TDRKH: variants seen among roughly 807,000 people sequenced by gnomAD.
TDRKH encodes tudor and KH domain-containing protein.
A neutral mutation model predicts 61.3 loss-of-function variants in TDRKH; 28 were observed. The ratio of observed to expected loss-of-function variants is 0.46; its 90% CI spans 0.34 to 0.63. TDRKH has a LOEUF of 0.63. Among genes scored for constraint, TDRKH ranks in the 20% least tolerant of loss-of-function variants. The pLI, the probability that TDRKH is intolerant of heterozygous loss-of-function variation, is 0.01. For missense variants in TDRKH, 540 were observed against 683.4 expected (o/e 0.79, Z 2.34); for synonymous variants, 219 against 244.4 (o/e 0.90, Z 0.97).
chr1:151,781,529 C>G lies in TDRKH; in HGVS notation c.183G>C (p.Gln61His). The change falls in exon 3 of 13, where the codon CAG becomes CAC. Residue 61 changes from glutamine (Q) to histidine (H), a missense_variant. Around this residue, in one of 3 missense-constraint regions of TDRKH, gnomAD observed 156 missense variants for 218.0 expected, o/e 0.72. Transcript: ENST00000368824. ...DDIEIEMRVPQEAVKLIIGRQ... is the reference protein window; with the variant it reads ...DDIEIEMRVPHEAVKLIIGRQ... Reference sequence around the variant, plus strand: ...GGCCAATGATGAGTTTCACAGCCTCCTGGGGAACCCGCATCTCTATCTCAA... The same window carrying G: ...GGCCAATGATGAGTTTCACAGCCTCGTGGGGAACCCGCATCTCTATCTCAA... 1 of 1,613,544 alleles carries G rather than the reference C, an allele frequency of 6.2e-7. No individual in the cohort carries two copies.
intron 6 of TDRKH, among the ~76,000 whole-genome samples, chr1:151,777,363 T>C (rs1254544473): frequency 6.6e-6 from 1 of 151,956 alleles, no homozygotes; most frequent in African/African-American, 2.4e-5. Flanking sequence ...TGAGAATCAC[T>C]CGAACCTGGG....
At chr1:151,789,837 A>G (rs1225153575) in intron 1 of TDRKH, among the ~76,000 whole-genome samples, 5 of 151,258 alleles carry the variant, frequency 3.3e-5, no homozygotes, top group Admixed American at 1.3e-4. Flanking sequence ...ATTCACGAGA[A>G]AAAAAAAAGT....
downstream of TDRKH, chr1:151,767,969 A>G (rs1648423343): frequency 2.0e-6 from 3 of 1,530,766 alleles, no homozygotes; most frequent in Non-Finnish European, 2.7e-6. Context: ...GGCTCTCCCC[A>G]TCAATGCCCA....
At chr1:151,767,372 G>A, downstream of TDRKH, 1 of 1,557,118 alleles carries the variant, frequency 6.4e-7, no homozygotes, top group South Asian at 1.2e-5. Context: ...AGGGACATTA[G>A]CAAGTTGGAA....
At chr1:151,783,261 C>T in intron 1 of TDRKH, 1 of 268,788 alleles carries the variant, frequency 3.7e-6, no homozygotes, top group African/African-American at 2.2e-5. Context: ...TAAATAGAAG[C>T]ATACTTCACT....
At chr1:151,780,356 G>A (rs1171798349) in intron 3 of TDRKH, among the ~76,000 whole-genome samples, 1 of 152,118 alleles carries the variant, frequency 6.6e-6, no homozygotes, top group Non-Finnish European at 1.5e-5. Context: ...AGTAACAAAT[G>A]TAACCCCAAA....
chr1:151,769,214 G>GCTC (rs1467282921), downstream of TDRKH: 1 of 153,522 alleles, frequency 6.5e-6, no homozygotes, highest in Non-Finnish European at 1.4e-5. Context: ...GGGCAGAGGG[G>GCTC]CTCACTTCCC....
intron 6 of TDRKH, 57 bp from the exon 7 acceptor site, chr1:151,776,656 G>C (rs1015980767): frequency 1.9e-6 from 3 of 1,589,912 alleles, no homozygotes; most frequent in Non-Finnish European, 2.6e-6. Flanking sequence ...TTGGAATGAA[G>C]AGACTAACCA....
At chr1:151,787,808 C>CAAAAAAAAA (rs71093211) in intron 1 of TDRKH, among the ~76,000 whole-genome samples, 6 of 50,570 alleles carry the variant, frequency 1.2e-4, no homozygotes, top group African/African-American at 4.4e-4. Context: ...TCTGTTTCTA[C>CAAAAAAAAA]AAAAAAAAAA....
chr1:151,789,464 C>T (rs1027484889), intron 1 of TDRKH, among the ~76,000 whole-genome samples: 3 of 152,140 alleles, frequency 2.0e-5, no homozygotes, highest in African/African-American at 7.2e-5. Context: ...GAGGAAAATA[C>T]TAGAACTTAA....
chr1:151,771,205 A>G, downstream of TDRKH: 1 of 1,613,520 alleles, frequency 6.2e-7, no homozygotes, highest in Non-Finnish European at 8.5e-7. Context: ...CCACCTGCCC[A>G]GTGAGCCTCC....
At chr1:151,776,375 A>C in intron 7 of TDRKH, 64 bp downstream of exon 7, 6 of 1,601,782 alleles carry the variant, frequency 3.7e-6, no homozygotes, top group Non-Finnish European at 5.1e-6. Context: ...GGAAAGGAAG[A>C]GTACAATGAA....
At chr1:151,766,857 C>A, downstream of TDRKH, 1 of 1,612,620 alleles carries the variant, frequency 6.2e-7, no homozygotes, top group Non-Finnish European at 8.5e-7. Context: ...GATCACTCTC[C>A]GGGAGAAGAT....
intron 1 of TDRKH, among the ~76,000 whole-genome samples, chr1:151,783,395 A>G (rs1224344799): frequency 6.6e-6 from 1 of 152,248 alleles, no homozygotes; most frequent in Admixed American, 6.5e-5. Context: ...TTATGCCTCC[A>G]GGGCTTTCCA....
chr1:151,789,762 A>G (rs77364965), intron 1 of TDRKH, among the ~76,000 whole-genome samples: 3,141 of 152,290 alleles, frequency 0.021, 103 homozygotes, highest in African/African-American at 0.072. Context: ...CAAAGAACCT[A>G]CAACATGGTG....
chr1:151,775,138 T>G lies in TDRKH; in HGVS notation c.1463A>C (p.His488Pro). 6.2e-7 allele frequency: 1 copy of G among 1,614,148 alleles called. No homozygotes were observed. The highest frequency in any genetic ancestry group is 8.5e-7 in the Non-Finnish European group (1 of 1,180,026). The change falls in exon 11 of 13, where the codon CAC becomes CCC. Residue 488 changes from histidine (H) to proline (P), a missense_variant. Physicochemically the swap from His to Pro is moderately conservative, Grantham distance 77 (BLOSUM62 -2). Transcript: ENST00000368824. Reference protein sequence around the residue: ...KKLDIGLELVHKGYAIELPED... With the variant: ...KKLDIGLELVPKGYAIELPED... ...AGGAAGCTCAATTGCGTATCCTTTG[T>G]GTACTAATTCTAGCCCAATATCAAG...
intron 8 of TDRKH, 100 bp from the exon 9 acceptor site, chr1:151,775,984 T>C: frequency 1.9e-6 from 3 of 1,569,510 alleles, no homozygotes; most frequent in Admixed American, 1.7e-5. Flanking sequence ...GATAACCATC[T>C]GCTCTCTGTA....
rs752578942 is a variant in TDRKH at position 151,775,067 on chromosome 1, T to C, written c.1534A>G (p.Met512Val). The C allele has an allele frequency of 2.6e-5, 42 of 1,614,030 alleles. No homozygotes were observed. The highest frequency in any genetic ancestry group is 2.0e-4 in the East Asian group (9 of 44,890). Residue 512 changes from methionine (M) to valine (V), a missense_variant and splice_region_variant, in exon 11 of 13, where the codon ATG becomes GTG. By Grantham distance (21) the Met-to-Val change is conservative. Coordinates refer to ENST00000368824, the MANE Select transcript of TDRKH (RefSeq NM_001083965.2). ...NRAVPDMLKD[M>V]ATETDASLST... Reference sequence around the variant, plus strand: ...CCTATATAACTACAATAGCTCACCATGTCCTTCAACATGTCTGGGACAGCT... The same window carrying C: ...CCTATATAACTACAATAGCTCACCACGTCCTTCAACATGTCTGGGACAGCT...
Position 151,789,109 on chromosome 1 carries a change from AATG to A in TDRKH, c.-28+1268_-28+1270del, listed in dbSNP as rs1358184867. On this transcript the variant is annotated intron_variant, in intron 1 of 12. Transcript: ENST00000368824. ...CTGTCACCCAGGATGGAATGCAGTG[AATG>A]ATAATAGCTCACTGCAGCCTTGAAC... Among the ~76,000 whole-genome samples the A allele has an allele frequency of 4.6e-5, 7 of 152,292 alleles. No homozygotes were observed. In the East Asian group the frequency reaches 9.6e-4, roughly 21 times the overall value.
Sources: gnomAD v4.1 joint callset for allele counts (sites outside exome capture counted in the v4.1 genomes callset) on GRCh38, gnomAD v4.1.1 for gene constraint, gnomAD v4.1.1 regional missense constraint, MANE v1.5 for transcripts, NCBI Gene and HGNC (gene_info 2026-07-23, HGNC 2026-07-21) for gene names.